CHN2: variants seen among roughly 807,000 people sequenced by gnomAD.
The protein encoded by CHN2 is beta-chimaerin.
A neutral mutation model predicts 56.3 loss-of-function variants in CHN2; 35 were observed. The observed-to-expected ratio is 0.62, with a 90% CI of 0.47 to 0.82. CHN2 has a LOEUF of 0.82. CHN2 is among the 40% of genes least tolerant of loss of function. The probability of loss-of-function intolerance (pLI) is 0.00; values close to 1 mark genes in which losing one functional copy is unlikely to be tolerated. For synonymous variants in CHN2, 210 were observed against 212.8 expected (o/e 0.99, Z 0.12); for missense variants, 491 against 580.5 (o/e 0.85, Z 1.58).
intron 6 of CHN2, among the ~76,000 whole-genome samples, chr7:29,452,586 A>G (rs1439662682): frequency 6.6e-6 from 1 of 152,198 alleles, no homozygotes; most frequent in Non-Finnish European, 1.5e-5. Context: ...GCACACAGAA[A>G]CCTACCCCAT....
intron 2 of CHN2, among the ~76,000 whole-genome samples, chr7:29,168,087 A>G (rs1562804556): frequency 6.6e-6 from 1 of 152,198 alleles, no homozygotes; most frequent in Non-Finnish European, 1.5e-5. Flanking sequence ...GGTGGCAACA[A>G]TATTACCTAG....
At chr7:29,297,814 G>A (rs80337465) in intron 1 of CHN2, among the ~76,000 whole-genome samples, 8,471 of 152,096 alleles carry the variant, frequency 0.056, 329 homozygotes, top group African/African-American at 0.11. Context: ...ACAGAGACAC[G>A]ATTACCTATC....
chr7:29,152,769 T>G (rs1349041962), intron 2 of CHN2, among the ~76,000 whole-genome samples: 1 of 152,258 alleles, frequency 6.6e-6, no homozygotes, highest in Non-Finnish European at 1.5e-5. Flanking sequence ...TGCACCCCAT[T>G]GTTAAGTTTC....
chr7:29,464,670 CA>C (rs1785420346), intron 6 of CHN2, among the ~76,000 whole-genome samples: 1 of 152,206 alleles, frequency 6.6e-6, no homozygotes, highest in South Asian at 2.1e-4. Context: ...AATGGCTACT[CA>C]TGATACACCC....
At chr7:29,456,620 C>CACCACCA (rs1385411352) in intron 6 of CHN2, among the ~76,000 whole-genome samples, 2,281 of 137,394 alleles carry the variant, frequency 0.017, 49 homozygotes, top group Middle Eastern at 0.039. Flanking sequence ...CCCCCTCCCC[C>CACCACCA]CCACCACCAC....
rs10570363 is a variant in CHN2 at position 29,301,342 on chromosome 7, TACACACACACACACAC to T, written c.50-53251_50-53236del. 2.0e-3 allele frequency among the ~76,000 whole-genome samples: 284 copies of T among 141,704 alleles called. 1 individual carries two copies. Among genetic ancestry groups the T allele is most frequent in the African/African-American group, 6.6e-3 (252 of 38,040 alleles). The allele number at this position is 141,704 out of a possible 152,430, so 93.0% of individuals were successfully genotyped here. ...ATTTGAAAGCAGGGCCTCAAACAGG[TACACACACACACACAC>T]ACACACACACACACACACACACACA... On this transcript the variant is annotated intron_variant, in intron 1 of 12. Coordinates refer to ENST00000222792, the MANE Select transcript of CHN2 (RefSeq NM_004067.4).
At chr7:29,242,051 C>G (rs1584841151) in intron 1 of CHN2, among the ~76,000 whole-genome samples, 2 of 152,268 alleles carry the variant, frequency 1.3e-5, no homozygotes, top group South Asian at 2.1e-4. Flanking sequence ...CCCAAGGGCT[C>G]TATACACAGG....
chr7:29,392,224 A>C (rs1050791916), intron 3 of CHN2, among the ~76,000 whole-genome samples: 1 of 152,184 alleles, frequency 6.6e-6, no homozygotes, highest in Non-Finnish European at 1.5e-5. Context: ...TTGGTTTTAC[A>C]GTCACATGTC....
intron 6 of CHN2, among the ~76,000 whole-genome samples, chr7:29,426,084 C>G (rs973058048): frequency 1.3e-5 from 2 of 151,512 alleles, no homozygotes; most frequent in Admixed American, 6.6e-5. Context: ...TGAGGCATGC[C>G]TGTAATCCCA....
At chr7:29,337,760 G>T (rs1407644086) in intron 1 of CHN2, among the ~76,000 whole-genome samples, 3 of 152,168 alleles carry the variant, frequency 2.0e-5, no homozygotes, top group African/African-American at 7.2e-5. Flanking sequence ...TTCGGCTGTT[G>T]GGTCCTTACT....
chr7:29,424,514 CTCAG>C (rs995781447), intron 6 of CHN2, among the ~76,000 whole-genome samples: 65 of 152,224 alleles, frequency 4.3e-4, no homozygotes, highest in African/African-American at 1.5e-3. Flanking sequence ...CTACCTTCTG[CTCAG>C]TCAATTGTCA....
At chr7:29,509,201 T>C (rs185068530) in intron 11 of CHN2, 100 bp from the exon 12 acceptor site, 72 of 786,380 alleles carry the variant, frequency 9.2e-5, no homozygotes, top group Non-Finnish European at 1.5e-4. Flanking sequence ...TTTATTAGAA[T>C]CCTTCCCCAC....
chr7:29,350,906 G>C (rs912738266), intron 1 of CHN2, among the ~76,000 whole-genome samples: 1 of 152,090 alleles, frequency 6.6e-6, no homozygotes, highest in Non-Finnish European at 1.5e-5. Flanking sequence ...TCAGGAGTTT[G>C]AGACAAGCCT....
intron 1 of CHN2, among the ~76,000 whole-genome samples, chr7:29,225,932 T>C (rs1304597937): frequency 3.3e-5 from 5 of 152,172 alleles, no homozygotes; most frequent in Non-Finnish European, 7.4e-5. Flanking sequence ...GTATTTGCAA[T>C]GTGTCATTCT....
At chr7:29,415,259 C>T (rs951311190) in intron 6 of CHN2, among the ~76,000 whole-genome samples, 2 of 152,072 alleles carry the variant, frequency 1.3e-5, no homozygotes, top group South Asian at 2.1e-4. Context: ...AAACACGGAG[C>T]GACAGGGGCC....
rs531416335 is a variant in CHN2, at chr7:29,492,768, C to T, written c.655-3184C>T. On this transcript the variant is annotated intron_variant, in intron 7 of 12. Coordinates refer to ENST00000222792, the MANE Select transcript of CHN2 (RefSeq NM_004067.4). ...GTTGAGTCTTACTTCTACCCTCAGC[C>T]ATCCAAAGAGATTGCTGTTGCTAAG... 6.6e-5 allele frequency among the ~76,000 whole-genome samples: 10 copies of T among 152,354 alleles called. No homozygotes were observed. The South Asian group carries it at 1.0e-3, about 16-fold the overall frequency.
At chr7:29,408,526 A>G (rs2128094143) in intron 6 of CHN2, among the ~76,000 whole-genome samples, 1 of 152,346 alleles carries the variant, frequency 6.6e-6, no homozygotes, top group South Asian at 2.1e-4. Flanking sequence ...CTCTGGGGAA[A>G]CATTCTTCAC....
chr7:29,247,471 C>G (rs535409971), intron 1 of CHN2, among the ~76,000 whole-genome samples: 1 of 152,322 alleles, frequency 6.6e-6, no homozygotes, highest in East Asian at 1.9e-4. Flanking sequence ...CTTCCCCCAG[C>G]CTTCTGCCCA....
intron 2 of CHN2, among the ~76,000 whole-genome samples, chr7:29,179,446 G>T (rs17150615): frequency 0.082 from 12,415 of 152,252 alleles, 699 homozygotes; most frequent in East Asian, 0.2. Flanking sequence ...TGCAGTCTGA[G>T]AATTTTTTGA....
Sources: gnomAD v4.1 joint callset for allele counts (sites outside exome capture counted in the v4.1 genomes callset) on GRCh38, gnomAD v4.1.1 for gene constraint, MANE v1.5 for transcripts, NCBI Gene and HGNC (gene_info 2026-07-23, HGNC 2026-07-21) for gene names.